Variants in RIPK4 observed in about 807,000 individuals in gnomAD.
RIPK4 encodes receptor-interacting serine/threonine-protein kinase 4.
RIPK4 carries 17 observed loss-of-function variants against 42.9 expected under a neutral mutation model. The ratio of observed to expected loss-of-function variants is 0.40; its 90% CI spans 0.27 to 0.59. The LOEUF (loss-of-function observed/expected upper bound fraction) is 0.59. Among genes scored for constraint, RIPK4 ranks in the 20% least tolerant of loss-of-function variants. The probability of loss-of-function intolerance (pLI) is 0.47; values close to 1 mark genes in which losing one functional copy is unlikely to be tolerated. For missense variants in RIPK4, 897 were observed against 1,104.4 expected (o/e 0.81, Z 2.66); for synonymous variants, 498 against 499.1 (o/e 1.00, Z 0.03).
chr21:41,744,808 G>C (rs1282338758), intron 6 of RIPK4, among the ~76,000 whole-genome samples: 1 of 152,234 alleles, frequency 6.6e-6, no homozygotes, highest in East Asian at 1.9e-4. Context: ...GAGGGAAAGG[G>C]GAAGGACCCG....
At chr21:41,749,417 C>T (rs1285994911) in intron 3 of RIPK4, among the ~76,000 whole-genome samples, 1 of 152,218 alleles carries the variant, frequency 6.6e-6, no homozygotes, top group Non-Finnish European at 1.5e-5. Flanking sequence ...ACTCAAGTAA[C>T]TTCGCCAACT....
intron 1 of RIPK4, among the ~76,000 whole-genome samples, chr21:41,762,996 C>T (rs1240419675): frequency 3.9e-5 from 6 of 152,150 alleles, no homozygotes; most frequent in African/African-American, 1.2e-4. Flanking sequence ...TTGCTCCAAG[C>T]GCAGCTACGC....
In RIPK4 at chr21:41,744,233, C is replaced by T. The variant is rs183562647; in HGVS notation, c.937-93G>A. On this transcript the variant is annotated intron_variant, in intron 6 of 7. Coordinates refer to ENST00000332512, the MANE Select transcript of RIPK4 (RefSeq NM_020639.3). ...AAACACAGAAGAGCAAGGTGGGCCACGGGAGGGAGATGGGGGAGGAAAGGA... is the reference window on the plus strand; with the variant it reads ...AAACACAGAAGAGCAAGGTGGGCCATGGGAGGGAGATGGGGGAGGAAAGGA... 825 of 1,291,822 alleles carry T rather than the reference C, an allele frequency of 6.4e-4. 4 individuals carry two copies. The African/African-American group carries it at 0.011, about 17-fold the overall frequency. 80.0% of individuals were successfully genotyped at this position (1,291,822 alleles called of 1,614,324 possible).
At chr21:41,763,542 G>A (rs2061227228) in intron 1 of RIPK4, among the ~76,000 whole-genome samples, 1 of 152,206 alleles carries the variant, frequency 6.6e-6, no homozygotes, top group African/African-American at 2.4e-5. Flanking sequence ...CGGTGAGACC[G>A]CTCAGGTAAC....
At chr21:41,756,237 A>C (rs916367990) in intron 2 of RIPK4, among the ~76,000 whole-genome samples, 2 of 152,216 alleles carry the variant, frequency 1.3e-5, no homozygotes, top group Admixed American at 6.5e-5. Context: ...ACAAACCCGT[A>C]ATCTTTTTCC....
At chr21:41,753,540 T>C (rs2061194623) in intron 2 of RIPK4, among the ~76,000 whole-genome samples, 1 of 152,178 alleles carries the variant, frequency 6.6e-6, no homozygotes, top group Non-Finnish European at 1.5e-5. Context: ...GCATTTCCCC[T>C]CCGCCTTTCC....
In RIPK4 at chr21:41,743,959, C is replaced by G; in HGVS notation, c.1118G>C (p.Gly373Ala). 6.2e-7 allele frequency: 1 copy of G among 1,613,434 alleles called. No individual in the cohort carries two copies. Among genetic ancestry groups the G allele is most frequent in the South Asian group, 1.1e-5 (1 of 91,070 alleles). The stretch of plus-strand genomic sequence containing the variant: ...GAAGGCGGAGTCCACCGAGGACACC[C>G]CCGAGAGCCTCTTCCCACTGCCGGA... ...PSSGSGKRLSGVSSVDSAFSS... is the reference protein window; with the variant it reads ...PSSGSGKRLSAVSSVDSAFSS... The change falls in exon 7 of 8, where the codon GGG becomes GCG. Residue 373 changes from glycine (G) to alanine (A), a missense_variant. Physicochemically the swap from Gly to Ala is moderately conservative, Grantham distance 60. Transcript: ENST00000332512.
At chr21:41,758,039 T>TAGAGAG (rs1268153558) in intron 1 of RIPK4, among the ~76,000 whole-genome samples, 12 of 89,020 alleles carry the variant, frequency 1.3e-4, no homozygotes, top group South Asian at 7.2e-4. Context: ...TATATATATA[T>TAGAGAG]ATAGAGAGAG....
intron 1 of RIPK4, among the ~76,000 whole-genome samples, chr21:41,759,389 G>A (rs1233344686): frequency 6.6e-6 from 1 of 152,136 alleles, no homozygotes; most frequent in Non-Finnish European, 1.5e-5. Flanking sequence ...ACCGTGCCCA[G>A]CCAATCTGCT....
intron 1 of RIPK4, among the ~76,000 whole-genome samples, chr21:41,762,702 T>C (rs1283496559): frequency 6.6e-6 from 1 of 152,184 alleles, no homozygotes; most frequent in Non-Finnish European, 1.5e-5. Context: ...TACATTTTTT[T>C]CTCCTAAGCA....
chr21:41,766,218 C>G (rs1400442348), intron 1 of RIPK4, among the ~76,000 whole-genome samples: 1 of 152,266 alleles, frequency 6.6e-6, no homozygotes, highest in Admixed American at 6.5e-5. Context: ...CCGGACCCCA[C>G]TGCCAGGCCC....
In RIPK4 at chr21:41,741,981, G is replaced by A. The variant is rs751488877; in HGVS notation, c.1212C>T (p.Asp404=). The part of the protein sequence containing the change: ...EPSTSDLGTT[D]VQKKKLVDAI... ...CATCCACAAGCTTCTTCTTCTGGAC[G>A]TCTGTGGTGCCCAGATCTGCAGGGA... Residue 404 remains aspartate (D), a synonymous_variant, in exon 8 of 8, where the codon GAC becomes GAT. Coordinates refer to ENST00000332512, the MANE Select transcript of RIPK4 (RefSeq NM_020639.3). The A allele has an allele frequency of 1.4e-5, 23 of 1,597,550 alleles. No homozygotes were observed. Among genetic ancestry groups the A allele is most frequent in the African/African-American group, 5.4e-5 (4 of 74,664 alleles).
At position 41,759,015 on chromosome 21, in the gene RIPK4, C is replaced by T. The variant is rs1601683694; in HGVS notation, c.183-2199G>A. ...CCAAACACAGACATGGTAGAAAGCA[C>T]CCAGGAAGCTGGCTGGAATGCTGGT... On this transcript the variant is annotated intron_variant, in intron 1 of 7. Transcript: ENST00000332512. Among the ~76,000 whole-genome samples the T allele has an allele frequency of 2.0e-5, 3 of 152,330 alleles. No homozygotes were observed. The South Asian group carries it at 6.2e-4, about 32-fold the overall frequency.
Position 41,751,333 on chromosome 21 carries a change from A to G in RIPK4, c.475-88T>C. The G allele has an allele frequency of 6.5e-7, 1 of 1,536,430 alleles. No homozygotes were observed. The highest frequency in any genetic ancestry group is 8.8e-7 in the Non-Finnish European group (1 of 1,132,232). On this transcript the variant is annotated intron_variant, in intron 2 of 7. Transcript: ENST00000332512. This position sits in a 1 kb window ranked among gnomAD's most constrained non-coding sequence, Gnocchi z 4.5. ...ATCAAAAGCTCCCTTCTGCAATCTCAGAGGGTGGGTGAGAGCTTTCCAGGA... is the reference window on the plus strand; with the variant it reads ...ATCAAAAGCTCCCTTCTGCAATCTCGGAGGGTGGGTGAGAGCTTTCCAGGA...
chr21:41,752,043 G>A (rs73369692), intron 2 of RIPK4, among the ~76,000 whole-genome samples: 2,417 of 152,058 alleles, frequency 0.016, 50 homozygotes, highest in African/African-American at 0.054. Flanking sequence ...ACAGACCCCC[G>A]GTCTGACCTC....
intron 1 of RIPK4, 123 bp downstream of exon 1, chr21:41,766,736 TC>T: frequency 6.7e-6 from 7 of 1,052,016 alleles, no homozygotes; most frequent in Admixed American, 2.8e-5. Context: ...GCAATTGGTT[TC>T]CCCCCCGAAG....
chr21:41,744,460 G>A (rs2061164593), intron 6 of RIPK4, among the ~76,000 whole-genome samples: 1 of 151,160 alleles, frequency 6.6e-6, no homozygotes, highest in Admixed American at 6.6e-5. Context: ...GCGCCAGGGA[G>A]CTCAAAGACT....
At position 41,742,206 on chromosome 21, in the gene RIPK4, CAGGTGCTCGTT is replaced by C. The variant is rs1398099974; in HGVS notation, c.1196-220_1196-210del. On this transcript the variant is annotated intron_variant, in intron 7 of 7. Transcript: ENST00000332512. The surrounding 1 kb of genome is among the most constrained non-coding windows in gnomAD (Gnocchi z 5.1). ...CCGGGGCAGGCTGGCGAATGTCTCC[CAGGTGCTCGTT>C]AGTCGGTTTGCAAAATAAAACCCGC... 2.6e-5 allele frequency among the ~76,000 whole-genome samples: 4 copies of C among 151,984 alleles called. No homozygotes were observed. The highest frequency in any genetic ancestry group is 5.9e-5 in the Non-Finnish European group (4 of 67,916).
chr21:41,762,221 T>C (rs1475095803), intron 1 of RIPK4, among the ~76,000 whole-genome samples: 2 of 152,056 alleles, frequency 1.3e-5, no homozygotes, highest in Non-Finnish European at 2.9e-5. Context: ...GACAAAAGTG[T>C]TGTGACAGCA....
Sources: gnomAD v4.1 joint callset for allele counts (sites outside exome capture counted in the v4.1 genomes callset) on GRCh38, gnomAD v4.1.1 for gene constraint, Gnocchi (gnomAD v3.1) non-coding constraint, MANE v1.5 for transcripts, NCBI Gene and HGNC (gene_info 2026-07-23, HGNC 2026-07-21) for gene names.